Variants in H2AZ1 observed in about 807,000 individuals in gnomAD.
H2AZ1 encodes the protein H2A.Z variant histone 1.
H2AZ1 carries 3 observed loss-of-function variants against 16.6 expected under a neutral mutation model. The observed-to-expected ratio is 0.18, with a 90% CI of 0.08 to 0.47. The LOEUF (loss-of-function observed/expected upper bound fraction) is 0.47, where lower values mean the gene tolerates loss of function less well. Among genes scored for constraint, H2AZ1 ranks in the 20% least tolerant of loss-of-function variants. H2AZ1 has a pLI of 0.98. For missense variants in H2AZ1, 27 were observed against 163.6 expected (o/e 0.17, Z 4.55); for synonymous variants, 78 against 60.7 (o/e 1.28, Z -1.32).
At position 99,948,697 on chromosome 4, in the gene H2AZ1, A is replaced by G. The variant is rs181236803; in HGVS notation, c.325+114T>C. 671 of 1,465,780 alleles carry G rather than the reference A, an allele frequency of 4.6e-4. 1 individual carries two copies. The highest frequency in any genetic ancestry group is 5.6e-4 in the Non-Finnish European group (612 of 1,093,716). 90.8% of individuals were successfully genotyped at this position (1,465,780 alleles called of 1,614,324 possible). A position where few individuals can be genotyped will look rare whatever the true frequency, so the allele number is the denominator to read the frequency against. The stretch of plus-strand genomic sequence containing the variant: ...ATAAATCAAATTTCATGATACAACC[A>G]TACTTCCATCATTGAAAATATACTT... On this transcript the variant is annotated intron_variant, in intron 4 of 4. Coordinates refer to ENST00000296417, the MANE Select transcript of H2AZ1 (RefSeq NM_002106.4).
In H2AZ1 at chr4:99,948,616, G is replaced by C; in HGVS notation, c.326-93C>G. 5 of 1,542,980 alleles carry C rather than the reference G, an allele frequency of 3.2e-6. No individual in the cohort carries two copies. In the South Asian group the frequency reaches 6.1e-5, roughly 19 times the overall value. ...AAGTGTATACTGTTCAACTTGAAAG[G>C]TATCTTTAAAAACATGCAGCTCAAG... On this transcript the variant is annotated intron_variant, in intron 4 of 4. Coordinates refer to ENST00000296417, the MANE Select transcript of H2AZ1 (RefSeq NM_002106.4).
In H2AZ1 at chr4:99,949,753, C is replaced by G. The variant is rs200739517; in HGVS notation, c.4-13G>C. On this transcript the variant is annotated splice_polypyrimidine_tract_variant and intron_variant, in intron 1 of 4. Transcript: ENST00000296417. ...CCTTACCGCCAGCCTGCGGCGCGCA[C>G]ACGCCCGCGAGCGGAGGAGGAACGG... The G allele has an allele frequency of 6.2e-7, 1 of 1,602,094 alleles. No homozygotes were observed. The highest frequency in any genetic ancestry group is 8.5e-7 in the Non-Finnish European group (1 of 1,172,934).
At chr4:99,949,214 C>T (rs1727210896) in intron 3 of H2AZ1, 59 bp downstream of exon 3, 6 of 1,036,212 alleles carry the variant, frequency 5.8e-6, no homozygotes, top group Non-Finnish European at 8.9e-6. Context: ...TCCTCCTTCC[C>T]TCTTGCCGCC....
At chr4:99,949,811 C>A in intron 1 of H2AZ1, 71 bp from the exon 2 acceptor site, 1 of 1,243,616 alleles carries the variant, frequency 8.0e-7, no homozygotes. Flanking sequence ...GCGCGCCCAT[C>A]CCCCACCGCG....
At chr4:99,949,793 C>A in intron 1 of H2AZ1, 53 bp from the exon 2 acceptor site, 1 of 1,413,926 alleles carries the variant, frequency 7.1e-7, no homozygotes, top group Non-Finnish European at 9.7e-7. Context: ...TATAGAATTA[C>A]CAAGGCGGCG....
chr4:99,950,233 G>A lies in H2AZ1; in HGVS notation c.-63C>T, dbSNP rs1351879774. On this transcript the variant is annotated 5_prime_UTR_variant, in exon 1 of 5. Transcript: ENST00000296417. ...AAAAGGCTAATCGGACCCACGGTGAGATCCCACCACCTACTCCTTCGTCGC... is the reference window on the plus strand; with the variant it reads ...AAAAGGCTAATCGGACCCACGGTGAAATCCCACCACCTACTCCTTCGTCGC... The A allele has an allele frequency of 1.2e-5, 18 of 1,537,748 alleles. No homozygotes were observed. Among genetic ancestry groups the A allele is most frequent in the African/African-American group, 1.4e-5 (1 of 73,722 alleles).
Position 99,949,701 on chromosome 4 carries a change from T to A in H2AZ1, c.43A>T (p.Thr15Ser). ...KAGKDSGKAK[T>S]KAVSRSQRAG... ...CTCTGCGAGCGGGAAACCGCCTTTGTCTTGGCCTTTCCGGAGTCCTTTCCA... is the reference window on the plus strand; with the variant it reads ...CTCTGCGAGCGGGAAACCGCCTTTGACTTGGCCTTTCCGGAGTCCTTTCCA... Residue 15 changes from threonine (T) to serine (S), a missense_variant, in exon 2 of 5, where the codon ACA becomes TCA. Transcript: ENST00000296417. The A allele has an allele frequency of 6.2e-7, 1 of 1,614,026 alleles. No individual in the cohort carries two copies. The highest frequency in any genetic ancestry group is 8.5e-7 in the Non-Finnish European group (1 of 1,179,970).
chr4:99,948,563 TAAA>T, intron 4 of H2AZ1, 40 bp from the exon 5 acceptor site: 1 of 1,604,956 alleles, frequency 6.2e-7, no homozygotes, highest in Non-Finnish European at 8.5e-7. Context: ...TAAGATTTTT[TAAA>T]AAATCACAGT....
Position 99,949,859 on chromosome 4 carries a change from G to T in H2AZ1, c.4-119C>A, listed in dbSNP as rs935171446. Reference sequence around the variant, plus strand: ...GCGAGCGCGTCCCCGCACCCTGCCGGGGTCTCCGGCCCGCGGCGCGCCGCA... The same window carrying T: ...GCGAGCGCGTCCCCGCACCCTGCCGTGGTCTCCGGCCCGCGGCGCGCCGCA... On this transcript the variant is annotated intron_variant, in intron 1 of 4. Coordinates refer to ENST00000296417, the MANE Select transcript of H2AZ1 (RefSeq NM_002106.4). 4 of 494,996 alleles carry T rather than the reference G, an allele frequency of 8.1e-6. No homozygotes were observed. In the African/African-American group the frequency reaches 8.4e-5, roughly 10 times the overall value. The allele number at this position is 494,996 out of a possible 1,614,324, so 30.7% of individuals were successfully genotyped here.
chr4:99,949,249 G>C, intron 3 of H2AZ1, 24 bp downstream of exon 3: 1 of 1,389,526 alleles, frequency 7.2e-7, no homozygotes, highest in Non-Finnish European at 1.0e-6. Flanking sequence ...ACCTTCTCCG[G>C]ATTATAGGCG....
chr4:99,948,491 C>G lies in H2AZ1; in HGVS notation c.358G>C (p.Gly120Arg). 1 of 1,602,768 alleles carries G rather than the reference C, an allele frequency of 6.2e-7. No homozygotes were observed. The highest frequency in any genetic ancestry group is 1.1e-5 in the South Asian group (1 of 90,862). Residue 120 changes from glycine (G) to arginine (R), a missense_variant, in exon 5 of 5, where the codon GGG becomes CGG. Physicochemically the swap from Gly to Arg is moderately radical, Grantham distance 125. This residue lies in a region of H2AZ1 where 14 missense variants were observed against 110.3 expected (regional missense o/e 0.13). Coordinates refer to ENST00000296417, the MANE Select transcript of H2AZ1 (RefSeq NM_002106.4). The part of the protein sequence containing the change: ...VIPHIHKSLI[G>R]KKGQQKTV ...ACAGTCTTCTGTTGTCCTTTCTTCC[C>G]AATCAGAGATTTGTGGATGTGTGGA...
rs750703840 is a variant in H2AZ1 at position 99,948,872 on chromosome 4, T to C, written c.264A>G (p.Gln88=). ...ATTCTTCATCTCCACGAATAGCAAG[T>C]TGCAAGTGACGAGGGGTAATACGCT... ...KVKRITPRHL[Q]LAIRGDEELD... The change falls in exon 4 of 5, where the codon CAA becomes CAG. Residue 88 remains glutamine, a synonymous_variant. Coordinates refer to ENST00000296417, the MANE Select transcript of H2AZ1 (RefSeq NM_002106.4). 1.5e-5 allele frequency: 24 copies of C among 1,613,512 alleles called. 1 individual carries two copies. The South Asian group carries it at 1.8e-4, about 12-fold the overall frequency.
intron 4 of H2AZ1, 68 bp downstream of exon 4, chr4:99,948,743 A>G (rs1727200105): frequency 1.9e-6 from 3 of 1,548,238 alleles, no homozygotes; most frequent in Non-Finnish European, 2.6e-6. Context: ...TCCTGGAAAA[A>G]CTAATTAAAA....
At chr4:99,949,230 G>A (rs1304227067) in intron 3 of H2AZ1, 43 bp downstream of exon 3, 3 of 1,197,928 alleles carry the variant, frequency 2.5e-6, no homozygotes, top group African/African-American at 1.5e-5. Flanking sequence ...CCGCCTCCCC[G>A]CCCCCCAAAC....
At chr4:99,948,593 G>C in intron 4 of H2AZ1, 70 bp from the exon 5 acceptor site, 1 of 1,582,288 alleles carries the variant, frequency 6.3e-7, no homozygotes, top group South Asian at 1.1e-5. Flanking sequence ...AACCAAGAAA[G>C]TGTATACTGT....
intron 1 of H2AZ1, 98 bp downstream of exon 1, chr4:99,950,070 C>T: frequency 8.3e-7 from 1 of 1,205,152 alleles, no homozygotes; most frequent in Non-Finnish European, 1.2e-6. Flanking sequence ...TCCGCGCGTT[C>T]CCAACCGTCG....
intron 3 of H2AZ1, 32 bp from the exon 4 acceptor site, chr4:99,948,972 A>G (rs1463376060): frequency 1.4e-5 from 19 of 1,311,000 alleles, no homozygotes; most frequent in Non-Finnish European, 2.1e-5. Context: ...TTGCCTTCCA[A>G]CTTTCCTTTG....
chr4:99,948,767 C>A, intron 4 of H2AZ1, 44 bp downstream of exon 4: 1 of 1,567,248 alleles, frequency 6.4e-7, no homozygotes, highest in Non-Finnish European at 8.6e-7. Context: ...GCAAAAAATT[C>A]CTTCCTCTGA....
chr4:99,949,617 C>G (rs1431029337), intron 2 of H2AZ1, 46 bp downstream of exon 2: 2 of 1,555,664 alleles, frequency 1.3e-6, no homozygotes, highest in African/African-American at 2.7e-5. Flanking sequence ...AAAGGAAATG[C>G]AAAGAAAAAC....
Sources: gnomAD v4.1 joint callset for allele counts on GRCh38, gnomAD v4.1.1 for gene constraint, gnomAD v4.1.1 regional missense constraint, MANE v1.5 for transcripts, NCBI Gene and HGNC (gene_info 2026-07-23, HGNC 2026-07-21) for gene names.